The following CNTN5 variants were observed in gnomAD, a reference collection of about 807,000 sequenced individuals.
The protein encoded by CNTN5 is contactin 5.
In CNTN5, 77 loss-of-function variants were observed where a neutral mutation model predicts 129.1. That is an observed-to-expected ratio of 0.60 (90% CI 0.50 to 0.72). The LOEUF (loss-of-function observed/expected upper bound fraction) is 0.72, where lower values mean the gene tolerates loss of function less well. CNTN5 is among the 30% of genes least tolerant of loss of function. The pLI is 0.00. For synonymous variants in CNTN5, 509 were observed against 465.6 expected (o/e 1.09, Z -1.20); for missense variants, 1,478 against 1,328.8 (o/e 1.11, Z -1.75).
intron 8 of CNTN5, among the ~76,000 whole-genome samples, chr11:99,965,469 T>C (rs928030091): frequency 3.3e-5 from 5 of 152,198 alleles, no homozygotes; most frequent in African/African-American, 9.6e-5. Context: ...GTTGAGCGGT[T>C]TTGAGTGAAT....
At chr11:99,555,181 A>T (rs763948175) in intron 2 of CNTN5, among the ~76,000 whole-genome samples, 1 of 152,030 alleles carries the variant, frequency 6.6e-6, no homozygotes, top group African/African-American at 2.4e-5. Flanking sequence ...TATTTTTCAG[A>T]TGTTTCCTAA....
At chr11:100,091,267 G>A (rs988538166) in intron 13 of CNTN5, among the ~76,000 whole-genome samples, 2 of 151,364 alleles carry the variant, frequency 1.3e-5, no homozygotes, top group African/African-American at 4.9e-5. Context: ...TGAAATCTAG[G>A]TCTCAGGTCA....
chr11:99,610,112 A>G (rs1458427126), intron 3 of CNTN5, among the ~76,000 whole-genome samples: 1 of 152,162 alleles, frequency 6.6e-6, no homozygotes, highest in Non-Finnish European at 1.5e-5. Flanking sequence ...GTCTAGTTCA[A>G]AAGTCAAAAC....
chr11:100,234,120 T>C (rs1047934704), intron 16 of CNTN5, among the ~76,000 whole-genome samples: 2 of 152,046 alleles, frequency 1.3e-5, no homozygotes, highest in Non-Finnish European at 2.9e-5. Flanking sequence ...GTTAGAATGG[T>C]GGTCATTAAA....
At chr11:99,984,041 G>A (rs1038585382) in intron 8 of CNTN5, among the ~76,000 whole-genome samples, 1 of 152,152 alleles carries the variant, frequency 6.6e-6, no homozygotes, top group Non-Finnish European at 1.5e-5. Context: ...GCTGAGGCAG[G>A]CAGATCACTT....
At chr11:100,308,925 T>C (rs1951412676) in intron 21 of CNTN5, 12 of 984,160 alleles carry the variant, frequency 1.2e-5, no homozygotes, top group Non-Finnish European at 1.3e-5. Context: ...CAGATAGTTT[T>C]TTTGGTCCCT....
At chr11:99,732,520 T>C (rs1943569527) in intron 3 of CNTN5, among the ~76,000 whole-genome samples, 1 of 152,122 alleles carries the variant, frequency 6.6e-6, no homozygotes, top group Admixed American at 6.5e-5. Flanking sequence ...CATCGTAAGC[T>C]GAAATGGAAT....
chr11:99,879,753 G>T (rs1948724398), intron 6 of CNTN5, among the ~76,000 whole-genome samples: 1 of 152,116 alleles, frequency 6.6e-6, no homozygotes, highest in South Asian at 2.1e-4. Context: ...TACACAAGCT[G>T]CTTGAAATTA....
chr11:99,901,624 A>G (rs1949360314), intron 6 of CNTN5, among the ~76,000 whole-genome samples: 1 of 152,164 alleles, frequency 6.6e-6, no homozygotes, highest in Non-Finnish European at 1.5e-5. Flanking sequence ...TGAGCATAGA[A>G]TGGTTTATTT....
Position 100,208,863 on chromosome 11 carries a change from G to A in CNTN5, c.1884+15200G>A, listed in dbSNP as rs79534440. 1.5e-3 allele frequency among the ~76,000 whole-genome samples: 234 copies of A among 152,264 alleles called. 2 individuals are homozygous for A. In the East Asian group the frequency reaches 0.03, roughly 19 times the overall value. ...AGTGACTGCTGGTGGTCTCAGTTGG[G>A]GTCATAAATGCATCTACTGTCAGCG... On this transcript the variant is annotated intron_variant, in intron 15 of 24. Coordinates refer to ENST00000524871, the MANE Select transcript of CNTN5 (RefSeq NM_014361.4).
At chr11:99,663,339 G>C (rs942468218) in intron 3 of CNTN5, among the ~76,000 whole-genome samples, 2 of 152,022 alleles carry the variant, frequency 1.3e-5, no homozygotes, top group Non-Finnish European at 2.9e-5. Flanking sequence ...GTGTTCATGG[G>C]TGCCTATAAT....
chr11:99,905,088 T>C (rs961190570), intron 6 of CNTN5, among the ~76,000 whole-genome samples: 7 of 152,218 alleles, frequency 4.6e-5, no homozygotes, highest in Non-Finnish European at 1.0e-4. Flanking sequence ...TTTCTGTAGG[T>C]TGTCTGTTCA....
At chr11:99,513,302 C>G (rs902134855) in intron 2 of CNTN5, among the ~76,000 whole-genome samples, 1 of 152,098 alleles carries the variant, frequency 6.6e-6, no homozygotes, top group Non-Finnish European at 1.5e-5. Context: ...AGGAAAGAAG[C>G]TTTTTCCATA....
At chr11:99,790,638 T>C (rs1382683069) in intron 3 of CNTN5, among the ~76,000 whole-genome samples, 1 of 152,134 alleles carries the variant, frequency 6.6e-6, no homozygotes, top group Non-Finnish European at 1.5e-5. Context: ...AATATACACA[T>C]GCATGTGTTT....
intron 3 of CNTN5, among the ~76,000 whole-genome samples, chr11:99,745,416 G>T (rs939454620): frequency 1.3e-5 from 2 of 151,886 alleles, no homozygotes; most frequent in African/African-American, 4.8e-5. Flanking sequence ...CTCTTACTAG[G>T]GTATATTGGT....
intron 18 of CNTN5, among the ~76,000 whole-genome samples, chr11:100,272,625 A>G (rs1950427297): frequency 6.6e-6 from 1 of 152,090 alleles, no homozygotes; most frequent in Non-Finnish European, 1.5e-5. Flanking sequence ...GAGTGCTCCT[A>G]ACAGATCTTC....
chr11:100,047,802 T>A (rs1413391091), intron 9 of CNTN5, among the ~76,000 whole-genome samples: 1 of 151,694 alleles, frequency 6.6e-6, no homozygotes, highest in African/African-American at 2.4e-5. Context: ...TGAGAGGACA[T>A]TATCTAATCC....
At chr11:99,252,935 A>G (rs566442053) in intron 1 of CNTN5, among the ~76,000 whole-genome samples, 127 of 142,626 alleles carry the variant, frequency 8.9e-4, no homozygotes, top group Non-Finnish European at 1.5e-3. Context: ...TTATGATGCT[A>G]TAGCAAGTTC....
intron 6 of CNTN5, among the ~76,000 whole-genome samples, chr11:99,914,273 C>T (rs1318715865): frequency 1.3e-5 from 2 of 151,970 alleles, no homozygotes; most frequent in African/African-American, 2.4e-5. Flanking sequence ...CACTGCCTAA[C>T]TATCTTGTAT....
Sources: allele counts gnomAD v4.1 joint callset (sites outside exome capture counted in the v4.1 genomes callset), GRCh38; gene constraint gnomAD v4.1.1; transcripts MANE v1.5; gene names NCBI Gene and HGNC (gene_info 2026-07-23, HGNC 2026-07-21).